The following TCAIM variants were observed in gnomAD, a reference collection of about 807,000 sequenced individuals.
The protein encoded by TCAIM is T cell activation inhibitor, mitochondrial, also known as T-cell activation inhibitor, mitochondrial.
A neutral mutation model predicts 58.6 loss-of-function variants in TCAIM; 36 were observed. That is an observed-to-expected ratio of 0.61 (90% CI 0.47 to 0.81). The LOEUF (loss-of-function observed/expected upper bound fraction) is 0.81. Among genes scored for constraint, TCAIM ranks in the 30% least tolerant of loss-of-function variants. The pLI is 0.00. For missense variants in TCAIM, 466 were observed against 579.6 expected (o/e 0.80, Z 2.01); for synonymous variants, 172 against 193.6 (o/e 0.89, Z 0.93).
intron 5 of TCAIM, among the ~76,000 whole-genome samples, chr3:44,378,296 C>G (rs1251528581): frequency 1.3e-5 from 2 of 151,922 alleles, no homozygotes; most frequent in Admixed American, 6.6e-5. Context: ...ACAAGAATCA[C>G]TTGAACCAAG....
At chr3:44,368,400 A>G (rs1473868782) in intron 5 of TCAIM, among the ~76,000 whole-genome samples, 1 of 152,214 alleles carries the variant, frequency 6.6e-6, no homozygotes, top group Non-Finnish European at 1.5e-5. Context: ...ATGATCCTTC[A>G]TTATCCACTG....
In TCAIM at chr3:44,407,219, A is replaced by G. The variant is rs185502485; in HGVS notation, c.1251-223A>G. The stretch of plus-strand genomic sequence containing the variant: ...CCTTTACTGCTAAAAACATTAACAA[A>G]TACTTTTAGAGATCCATGTGACAGT... On this transcript the variant is annotated intron_variant, in intron 10 of 10. Coordinates refer to ENST00000342649, the MANE Select transcript of TCAIM (RefSeq NM_173826.4). Among the ~76,000 whole-genome samples, 54 of 152,348 alleles carry G rather than the reference A, an allele frequency of 3.5e-4. 1 individual carries two copies. Among genetic ancestry groups the G allele is most frequent in the Non-Finnish European group, 2.9e-5 (2 of 68,032 alleles).
chr3:44,390,387 G>A (rs966337944), intron 5 of TCAIM, among the ~76,000 whole-genome samples: 9 of 152,204 alleles, frequency 5.9e-5, no homozygotes, highest in South Asian at 2.1e-4. Context: ...GGATGCCAAC[G>A]CGGGAGGATC....
chr3:44,392,059 C>A (rs994927458), intron 5 of TCAIM, among the ~76,000 whole-genome samples: 1 of 152,178 alleles, frequency 6.6e-6, no homozygotes, highest in African/African-American at 2.4e-5. Flanking sequence ...GTAATAAACA[C>A]ACTTTGAAGT....
intron 1 of TCAIM, among the ~76,000 whole-genome samples, chr3:44,346,630 T>G (rs1700974273): frequency 6.6e-6 from 1 of 152,214 alleles, no homozygotes; most frequent in South Asian, 2.1e-4. Context: ...AGAGGCACGC[T>G]AGCGGCTTGT....
chr3:44,406,779 A>G (rs907912963), intron 10 of TCAIM, among the ~76,000 whole-genome samples: 3 of 152,188 alleles, frequency 2.0e-5, no homozygotes, highest in African/African-American at 7.2e-5. Context: ...GTTGGTCTAG[A>G]TGTAGCACAT....
At position 44,407,968 on chromosome 3, in the gene TCAIM, C is replaced by G. The variant is rs182125319; in HGVS notation, c.*286C>G. The G allele has an allele frequency of 2.0e-4, 44 of 223,508 alleles. No homozygotes were observed. Among genetic ancestry groups the G allele is most frequent in the Admixed American group, 8.5e-4 (15 of 17,732 alleles). The allele number at this position is 223,508 out of a possible 1,614,324, so 13.8% of individuals were successfully genotyped here. ...AGTGGGCCCAGATTGCACCATTGCCCTCCAGCCTGAGCAACAGAACAAGAC... is the reference window on the plus strand; with the variant it reads ...AGTGGGCCCAGATTGCACCATTGCCGTCCAGCCTGAGCAACAGAACAAGAC... On this transcript the variant is annotated 3_prime_UTR_variant, in exon 11 of 11. Coordinates refer to ENST00000342649, the MANE Select transcript of TCAIM (RefSeq NM_173826.4).
chr3:44,350,353 T>C (rs1253712941), intron 1 of TCAIM, among the ~76,000 whole-genome samples: 2 of 152,174 alleles, frequency 1.3e-5, no homozygotes, highest in East Asian at 3.8e-4. Flanking sequence ...CTTCAGGCCA[T>C]CTGGATGTGT....
intron 2 of TCAIM, among the ~76,000 whole-genome samples, chr3:44,357,494 G>A (rs1249061797): frequency 6.6e-6 from 1 of 152,140 alleles, no homozygotes; most frequent in East Asian, 1.9e-4. Flanking sequence ...ATTTCAAAGT[G>A]GAGTATTGAG....
rs950776175 is a variant in TCAIM at position 44,407,741 on chromosome 3, T to C, written c.*59T>C. On this transcript the variant is annotated 3_prime_UTR_variant, in exon 11 of 11. Transcript: ENST00000342649. Reference sequence around the variant, plus strand: ...GAAAGGAACTTAAATTAAAAATATTTAAATCCACAATTTGATATAACAGTA... The same window carrying C: ...GAAAGGAACTTAAATTAAAAATATTCAAATCCACAATTTGATATAACAGTA... 1.3e-5 allele frequency: 19 copies of C among 1,455,236 alleles called. No individual in the cohort carries two copies. Among genetic ancestry groups the C allele is most frequent in the Non-Finnish European group, 1.7e-5 (19 of 1,090,438 alleles). The allele number at this position is 1,455,236 out of a possible 1,614,324, so 90.1% of individuals were successfully genotyped here. A position where few individuals can be genotyped will look rare whatever the true frequency, so the allele number is the denominator to read the frequency against.
In TCAIM at chr3:44,407,716, G is replaced by A. The variant is rs758493275; in HGVS notation, c.*34G>A. 2.3e-5 allele frequency: 35 copies of A among 1,527,198 alleles called. No individual in the cohort carries two copies. The highest frequency in any genetic ancestry group is 2.9e-5 in the Non-Finnish European group (33 of 1,139,098). 94.6% of individuals were successfully genotyped at this position (1,527,198 alleles called of 1,614,324 possible). On this transcript the variant is annotated 3_prime_UTR_variant, in exon 11 of 11. Transcript: ENST00000342649. ...TCTGTTTTATTTTTTTAAGAGATAA[G>A]AAAGGAACTTAAATTAAAAATATTT...
intron 5 of TCAIM, 47 bp from the exon 6 acceptor site, chr3:44,392,808 T>A (rs894100160): frequency 1.3e-6 from 2 of 1,530,246 alleles, no homozygotes; most frequent in African/African-American, 2.8e-5. Context: ...AGTAAAAATA[T>A]GTATATTATA....
In TCAIM at chr3:44,401,235, G is replaced by T; in HGVS notation, c.1151G>T (p.Gly384Val). ...DRYAPSLHELGHFNIPTLCDP... is the reference protein window; with the variant it reads ...DRYAPSLHELVHFNIPTLCDP... ...TATGCTCCAAGCTTGCATGAACTCG[G>T]GCATTTTAATATTCCAACACTCTGT... Residue 384 changes from glycine (G) to valine (V), a missense_variant, in exon 10 of 11, where the codon GGG becomes GTG. Gly to Val is a moderately radical substitution (Grantham distance 109). Coordinates refer to ENST00000342649, the MANE Select transcript of TCAIM (RefSeq NM_173826.4). The T allele has an allele frequency of 6.2e-7, 1 of 1,613,892 alleles. No individual in the cohort carries two copies. The highest frequency in any genetic ancestry group is 2.2e-5 in the East Asian group (1 of 44,864).
At chr3:44,358,075 G>A in intron 3 of TCAIM, 199 bp downstream of exon 3, 1 of 1,355,454 alleles carries the variant, frequency 7.4e-7, no homozygotes, top group Non-Finnish European at 9.7e-7. Flanking sequence ...TTTTGTGCAG[G>A]CAATAAAGCT....
At chr3:44,378,205 AC>A (rs1701596489) in intron 5 of TCAIM, among the ~76,000 whole-genome samples, 1 of 151,718 alleles carries the variant, frequency 6.6e-6, no homozygotes, top group East Asian at 1.9e-4. Flanking sequence ...ACATGGTGAA[AC>A]CCCGTCTCTA....
At chr3:44,371,506 C>CCAAGA (rs1701469160) in intron 5 of TCAIM, among the ~76,000 whole-genome samples, 1 of 152,122 alleles carries the variant, frequency 6.6e-6, no homozygotes, top group Admixed American at 6.5e-5. Flanking sequence ...CTACACTGAA[C>CCAAGA]CAAGACAAGA....
Position 44,367,694 on chromosome 3 carries a change from G to A in TCAIM, c.558G>A (p.Val186=), listed in dbSNP as rs766385215. ...AAGACCTTGAACAAGTCTCGAGAGT[G>A]GAAACAACTCTCACGTATGTAAAAG... The part of the protein sequence containing the change: ...PDEDLEQVSR[V]ETTLTSWLDN... The change falls in exon 5 of 11, where the codon GTG becomes GTA. Residue 186 remains valine, a synonymous_variant. Coordinates refer to ENST00000342649, the MANE Select transcript of TCAIM (RefSeq NM_173826.4). 1.2e-6 allele frequency: 2 copies of A among 1,609,770 alleles called. No homozygotes were observed. The highest frequency in any genetic ancestry group is 1.7e-6 in the Non-Finnish European group (2 of 1,177,050).
chr3:44,344,393 C>G (rs967972828), intron 1 of TCAIM, among the ~76,000 whole-genome samples: 1 of 152,156 alleles, frequency 6.6e-6, no homozygotes, highest in African/African-American at 2.4e-5. Context: ...ATTAAGGATA[C>G]TATCTTAGTC....
At chr3:44,392,257 G>A (rs770544618) in intron 5 of TCAIM, among the ~76,000 whole-genome samples, 1 of 152,168 alleles carries the variant, frequency 6.6e-6, no homozygotes, top group South Asian at 2.1e-4. Flanking sequence ...AGAAGTAAAG[G>A]TTTGATTGAA....
Sources: gnomAD v4.1 joint callset for allele counts (sites outside exome capture counted in the v4.1 genomes callset) on GRCh38, gnomAD v4.1.1 for gene constraint, MANE v1.5 for transcripts, NCBI Gene and HGNC (gene_info 2026-07-23, HGNC 2026-07-21) for gene names.